The following SLFN5 variants were observed in gnomAD, a reference collection of about 807,000 sequenced individuals.
SLFN5 encodes the protein schlafen family member 5.
A neutral mutation model predicts 48.5 loss-of-function variants in SLFN5; 34 were observed. That is an observed-to-expected ratio of 0.70 (90% CI 0.53 to 0.93). The LOEUF is 0.93. SLFN5 is among the 40% of genes least tolerant of loss of function. The pLI, the probability that SLFN5 is intolerant of heterozygous loss-of-function variation, is 0.00. For synonymous variants in SLFN5, 387 were observed against 396.2 expected (o/e 0.98, Z 0.28); for missense variants, 1,006 against 1,071.3 (o/e 0.94, Z 0.85).
In SLFN5 at chr17:35,270,928, C is replaced by T. The variant is rs958923162; in HGVS notation, c.*5040C>T. ...ATAGTGGCAGAATATATAGGTCAAGCATAACACATTACAATCAAGATTCAG... is the reference window on the plus strand; with the variant it reads ...ATAGTGGCAGAATATATAGGTCAAGTATAACACATTACAATCAAGATTCAG... On this transcript the variant is annotated 3_prime_UTR_variant, in exon 5 of 5. Coordinates refer to ENST00000299977, the MANE Select transcript of SLFN5 (RefSeq NM_144975.4). The T allele has an allele frequency of 6.6e-6, 1 of 152,112 alleles. No homozygotes were observed. The highest frequency in any genetic ancestry group is 6.5e-5 in the Admixed American group (1 of 15,270). The allele number at this position is 152,112 out of a possible 1,614,324, so 9.4% of individuals were successfully genotyped here.
rs1375572590 is a variant in SLFN5 at position 35,273,433 on chromosome 17, T to C, written c.*7545T>C. The C allele has an allele frequency of 6.6e-6, 1 of 152,238 alleles. No individual in the cohort carries two copies. Among genetic ancestry groups the C allele is most frequent in the African/African-American group, 2.4e-5 (1 of 41,466 alleles). The allele number at this position is 152,238 out of a possible 1,614,324, so 9.4% of individuals were successfully genotyped here. ...TGTGTGTTTTTACTTGTTCATGTAGTGATTTTATAAATTACTCTTTTAATT... is the reference window on the plus strand; with the variant it reads ...TGTGTGTTTTTACTTGTTCATGTAGCGATTTTATAAATTACTCTTTTAATT... On this transcript the variant is annotated 3_prime_UTR_variant, in exon 5 of 5. Coordinates refer to ENST00000299977, the MANE Select transcript of SLFN5 (RefSeq NM_144975.4).
rs1904799414 is a variant in SLFN5, at chr17:35,270,327, C to T, written c.*4439C>T. ...CCTTGAAGGTCACATGCTGAAATCGCCCTCTACTAAAACAAACTCATAGAA... is the reference window on the plus strand; with the variant it reads ...CCTTGAAGGTCACATGCTGAAATCGTCCTCTACTAAAACAAACTCATAGAA... On this transcript the variant is annotated 3_prime_UTR_variant, in exon 5 of 5. Transcript: ENST00000299977. 1 of 152,146 alleles carries T rather than the reference C, an allele frequency of 6.6e-6. No homozygotes were observed. Among genetic ancestry groups the T allele is most frequent in the Admixed American group, 6.6e-5 (1 of 15,262 alleles). The allele number at this position is 152,146 out of a possible 1,614,324, so 9.4% of individuals were successfully genotyped here. A position where few individuals can be genotyped will look rare whatever the true frequency, so the allele number is the denominator to read the frequency against.
At chr17:35,259,841 T>A in intron 2 of SLFN5, 139 bp downstream of exon 2, 1 of 988,244 alleles carries the variant, frequency 1.0e-6, no homozygotes, top group Non-Finnish European at 1.5e-6. Context: ...TCTGACTTAT[T>A]AATCCCTGTA....
Position 35,266,142 on chromosome 17 carries a change from A to AGGTGTG in SLFN5, c.*254_*255insGGTGTG, listed in dbSNP as rs71366427. On this transcript the variant is annotated 3_prime_UTR_variant, in exon 5 of 5. Transcript: ENST00000299977. The stretch of plus-strand genomic sequence containing the variant: ...AATTAGAGGACCGTGAGACTCAGAG[A>AGGTGTG]TGTGTGTGTGTGTGTGTGTGTGTGT... 4 of 239,758 alleles carry AGGTGTG rather than the reference A, an allele frequency of 1.7e-5. No homozygotes were observed. The highest frequency in any genetic ancestry group is 2.4e-5 in the Non-Finnish European group (3 of 124,932). The allele number at this position is 239,758 out of a possible 1,614,324, so 14.9% of individuals were successfully genotyped here. A position where few individuals can be genotyped will look rare whatever the true frequency, so the allele number is the denominator to read the frequency against.
intron 4 of SLFN5, 22 bp from the exon 5 acceptor site, chr17:35,265,050 A>G (rs1904635157): frequency 6.3e-7 from 1 of 1,587,986 alleles, no homozygotes; most frequent in African/African-American, 1.3e-5. Context: ...ATTGGGGAAA[A>G]ACCTGACTCT....
Position 35,254,118 on chromosome 17 carries a change from C to T in SLFN5, c.-40-4533C>T, listed in dbSNP as rs191173344. Among the ~76,000 whole-genome samples the T allele has an allele frequency of 2.6e-5, 4 of 152,318 alleles. No individual in the cohort carries two copies. In the East Asian group the frequency reaches 7.7e-4, roughly 29 times the overall value. On this transcript the variant is annotated intron_variant, in intron 1 of 4. Coordinates refer to ENST00000299977, the MANE Select transcript of SLFN5 (RefSeq NM_144975.4). ...ATTATCATGACTAGGACTTTATTTA[C>T]AACGGTGCCAAATAATGCCTTATGG...
chr17:35,269,173 A>G lies in SLFN5; in HGVS notation c.*3285A>G, dbSNP rs988471667. ...CCTAAAAATATTAAACCTAGTCAAA[A>G]TATTATTCTAGTACAAAGGCAGCAC... is the stretch of plus-strand genomic sequence containing the variant. On this transcript the variant is annotated 3_prime_UTR_variant, in exon 5 of 5. Transcript: ENST00000299977. 2 of 152,224 alleles carry G rather than the reference A, an allele frequency of 1.3e-5. No homozygotes were observed. The highest frequency in any genetic ancestry group is 4.8e-5 in the African/African-American group (2 of 41,460). The allele number at this position is 152,224 out of a possible 1,614,324, so 9.4% of individuals were successfully genotyped here.
chr17:35,264,639 C>A lies in SLFN5; in HGVS notation c.1595C>A (p.Ser532Tyr). ...CAGCACATGGAAGCCCTGTTACAGT[C>A]CCTCGTGATAGTCTTGCTTGGGTTC... is the stretch of plus-strand genomic sequence containing the variant. ...TPQHMEALLQ[S>Y]LVIVLLGFKS... The change falls in exon 4 of 5, where the codon TCC becomes TAC. Residue 532 changes from serine (S) to tyrosine (Y), a missense_variant. By Grantham distance (144) the Ser-to-Tyr change is moderately radical. Coordinates refer to ENST00000299977, the MANE Select transcript of SLFN5 (RefSeq NM_144975.4). 6.2e-7 allele frequency: 1 copy of A among 1,614,190 alleles called. No homozygotes were observed. Among genetic ancestry groups the A allele is most frequent in the Non-Finnish European group, 8.5e-7 (1 of 1,180,040 alleles).
chr17:35,243,304 G>C (rs927828714), intron 1 of SLFN5, among the ~76,000 whole-genome samples, 161 bp downstream of exon 1: 1 of 152,232 alleles, frequency 6.6e-6, no homozygotes, highest in South Asian at 2.1e-4. Flanking sequence ...GGGAGATTTA[G>C]TTTGTTGACT....
chr17:35,267,656 G>A lies in SLFN5; in HGVS notation c.*1768G>A, dbSNP rs1438928146. The A allele has an allele frequency of 6.6e-6, 1 of 152,140 alleles. No homozygotes were observed. The highest frequency in any genetic ancestry group is 3.2e-3 in the Middle Eastern group (1 of 316). The allele number at this position is 152,140 out of a possible 1,614,324, so 9.4% of individuals were successfully genotyped here. On this transcript the variant is annotated 3_prime_UTR_variant, in exon 5 of 5. Transcript: ENST00000299977. ...GATCACTTGACCTCAGAAGTCTGAG[G>A]TTACAGTGAGCTATGATCATACCAG...
intron 1 of SLFN5, among the ~76,000 whole-genome samples, chr17:35,251,870 C>A (rs965159533): frequency 6.6e-6 from 1 of 151,954 alleles, no homozygotes; most frequent in South Asian, 2.1e-4. Flanking sequence ...CACACCACCA[C>A]GCCCTGCTAA....
Position 35,268,358 on chromosome 17 carries a change from G to T in SLFN5, c.*2470G>T, listed in dbSNP as rs114557405. 5.3e-5 allele frequency: 8 copies of T among 152,198 alleles called. No individual in the cohort carries two copies. The highest frequency in any genetic ancestry group is 1.9e-4 in the African/African-American group (8 of 41,428). 9.4% of individuals were successfully genotyped at this position (152,198 alleles called of 1,614,324 possible). A position where few individuals can be genotyped will look rare whatever the true frequency, so the allele number is the denominator to read the frequency against. ...AGACAATGGGGAAAAATGTAGAAAA[G>T]AAATATGACATGAGCCAGATGAAGA... On this transcript the variant is annotated 3_prime_UTR_variant, in exon 5 of 5. Transcript: ENST00000299977.
rs1465747698 is a variant in SLFN5 at position 35,264,619 on chromosome 17, C to T, written c.1575C>T (p.His525=). The change falls in exon 4 of 5, where the codon CAC becomes CAT. Residue 525 remains histidine, a synonymous_variant. Transcript: ENST00000299977. ...CCTATAACTTCATGACCCCCCAGCA[C>T]ATGGAAGCCCTGTTACAGTCCCTCG... ...PESYNFMTPQ[H]MEALLQSLVI... The T allele has an allele frequency of 2.5e-6, 4 of 1,614,078 alleles. No homozygotes were observed. Among genetic ancestry groups the T allele is most frequent in the African/African-American group, 2.7e-5 (2 of 74,930 alleles).
intron 3 of SLFN5, among the ~76,000 whole-genome samples, chr17:35,262,955 A>G (rs539264430): frequency 1.3e-5 from 2 of 152,210 alleles, no homozygotes; most frequent in East Asian, 3.9e-4. Context: ...GCCTGTACCT[A>G]TAGTTGTGCT....
chr17:35,254,616 A>C (rs2092450352), intron 1 of SLFN5, among the ~76,000 whole-genome samples: 1 of 152,222 alleles, frequency 6.6e-6, no homozygotes, highest in Non-Finnish European at 1.5e-5. Flanking sequence ...TTTGCCAGCA[A>C]TGCCCAGCAT....
chr17:35,260,368 G>A (rs770514839), intron 2 of SLFN5, among the ~76,000 whole-genome samples: 15 of 152,166 alleles, frequency 9.9e-5, no homozygotes, highest in African/African-American at 3.6e-4. Context: ...ATCTGCTCAG[G>A]TGTCTATATC....
At chr17:35,251,716 T>C (rs1351432608) in intron 1 of SLFN5, among the ~76,000 whole-genome samples, 1 of 147,638 alleles carries the variant, frequency 6.8e-6, no homozygotes, top group African/African-American at 2.5e-5. Flanking sequence ...TTTTTTTTTT[T>C]TTTTTTTTTT....
rs1904455236 is a variant in SLFN5, at chr17:35,259,520, T to C, written c.830T>C (p.Val277Ala). The change falls in exon 2 of 5, where the codon GTC (valine) becomes GCC (alanine). Residue 277 changes from valine (V) to alanine (A), a missense_variant. By Grantham distance (64) the Val-to-Ala change is moderately conservative. Transcript: ENST00000299977. Reference protein sequence around the residue: ...FCTQRPEIKYVLNFLEVHDKG... With the variant: ...FCTQRPEIKYALNFLEVHDKG... ...ACACAGAGGCCTGAGATAAAATATG[T>C]CCTTAACTTCCTTGAAGTGCATGAT... The C allele has an allele frequency of 1.9e-6, 3 of 1,614,172 alleles. No individual in the cohort carries two copies. The highest frequency in any genetic ancestry group is 2.7e-5 in the African/African-American group (2 of 75,040).
Position 35,266,141 on chromosome 17 carries a change from G to GGTGTGTGTGTGTGTGT in SLFN5, c.*253_*254insGTGTGTGTGTGTGTGT. 2 of 352,782 alleles carry GGTGTGTGTGTGTGTGT rather than the reference G, an allele frequency of 5.7e-6. No individual in the cohort carries two copies. Among genetic ancestry groups the GGTGTGTGTGTGTGTGT allele is most frequent in the Non-Finnish European group, 1.0e-5 (2 of 195,768 alleles). The allele number at this position is 352,782 out of a possible 1,614,324, so 21.9% of individuals were successfully genotyped here. On this transcript the variant is annotated 3_prime_UTR_variant, in exon 5 of 5. Transcript: ENST00000299977. Reference sequence around the variant, plus strand: ...TAATTAGAGGACCGTGAGACTCAGAGATGTGTGTGTGTGTGTGTGTGTGTG... The same window carrying GGTGTGTGTGTGTGTGT: ...TAATTAGAGGACCGTGAGACTCAGAGGTGTGTGTGTGTGTGTATGTGTGTGTGTGTGTGTGTGTGTG...
Sources: gnomAD v4.1 joint callset for allele counts (sites outside exome capture counted in the v4.1 genomes callset) on GRCh38, gnomAD v4.1.1 for gene constraint, MANE v1.5 for transcripts, NCBI Gene and HGNC (gene_info 2026-07-23, HGNC 2026-07-21) for gene names.